The following MYH11 variants were observed in gnomAD, a reference collection of about 807,000 sequenced individuals.
MYH11 encodes the protein myosin-11.
In MYH11, 80 loss-of-function variants were observed where a neutral mutation model predicts 246.6. The observed-to-expected ratio is 0.32, with a 90% CI of 0.27 to 0.39. The LOEUF is 0.39. Among genes scored for constraint, MYH11 ranks in the 10% least tolerant of loss-of-function variants. MYH11 has a pLI of 1.00. For missense variants in MYH11, 2,158 were observed against 2,546.8 expected, an observed-to-expected ratio of 0.85 and a Z score of 3.29; for synonymous variants, 1,071 against 1,015.5, an observed-to-expected ratio of 1.05 and a Z score of -1.04.
chr16:15,715,407 G>A (rs902439122), intron 38 of MYH11, 135 bp from the exon 39 acceptor site: 3 of 781,364 alleles, frequency 3.8e-6, no homozygotes, highest in Non-Finnish European at 6.7e-6. Flanking sequence ...CAGTCAGATG[G>A]TGGAATAGTA....
chr16:15,850,764 A>G (rs1362747789), intron 1 of MYH11, among the ~76,000 whole-genome samples: 3 of 151,986 alleles, frequency 2.0e-5, no homozygotes, highest in African/African-American at 7.2e-5. Flanking sequence ...GCATGGCAGC[A>G]CATGCCGGTA....
Position 15,741,244 on chromosome 16 carries a change from G to A in MYH11, c.2859+219C>T, listed in dbSNP as rs1049754809. On this transcript the variant is annotated intron_variant, in intron 22 of 40. Transcript: ENST00000300036. ...CAGGCTTGCTGTTAGGAGAAAAGGG[G>A]TTAGCACATGCAAGGCAGGGCAATA... is the stretch of plus-strand genomic sequence containing the variant. 1.1e-5 allele frequency: 7 copies of A among 632,888 alleles called. No homozygotes were observed. In the African/African-American group the frequency reaches 1.3e-4, roughly 11 times the overall value. The allele number at this position is 632,888 out of a possible 1,614,324, so 39.2% of individuals were successfully genotyped here. A position where few individuals can be genotyped will look rare whatever the true frequency, so the allele number is the denominator to read the frequency against.
chr16:15,812,551 TAAAAAAAAAAA>T (rs71134466), intron 3 of MYH11, among the ~76,000 whole-genome samples: 561 of 37,450 alleles, frequency 0.015, 8 homozygotes, highest in Non-Finnish European at 0.019. Flanking sequence ...ATCTTATCTC[TAAAAAAAAAAA>T]AAAAAAAAAA....
At chr16:15,732,337 C>G (rs923021137) in intron 27 of MYH11, 3 of 623,906 alleles carry the variant, frequency 4.8e-6, no homozygotes, top group Admixed American at 2.7e-5. Context: ...TGAGCTCAAG[C>G]GATCCTCCCG....
In MYH11 at chr16:15,717,176, A is replaced by G. The variant is rs769337030; in HGVS notation, c.5468T>C (p.Ile1823Thr). 13 of 1,614,010 alleles carry G rather than the reference A, an allele frequency of 8.1e-6. No individual in the cohort carries two copies. Among genetic ancestry groups the G allele is most frequent in the Non-Finnish European group, 1.0e-5 (12 of 1,180,022 alleles). The change falls in exon 38 of 41, where the codon ATT (isoleucine) becomes ACT (threonine). Residue 1823 changes from isoleucine to threonine, a missense_variant. This residue lies in a region of MYH11 where 1,013 missense variants were observed against 993.5 expected (regional missense o/e 1.02). Coordinates refer to ENST00000300036, the MANE Select transcript of MYH11 (RefSeq NM_002474.3). ...KSTIAALEAKIAQLEEQVEQE... is the reference protein window; with the variant it reads ...KSTIAALEAKTAQLEEQVEQE... ...CTCGACCTGCTCCTCCAGCTGTGCA[A>G]TCTTGGCCTCCAGCGCCGCGATGGT... is the stretch of plus-strand genomic sequence containing the variant.
At position 15,788,075 on chromosome 16, in the gene MYH11, A is replaced by ATTTTTTTTTTTTTTTT. The variant is rs1555569323; in HGVS notation, c.531-1344_531-1343insAAAAAAAAAAAAAAAA. On this transcript the variant is annotated intron_variant, in intron 4 of 40. Transcript: ENST00000300036. ...ATGTCCTCCTGGAATATGAAGGTAG[A>ATTTTTTTTTTTTTTTT]TCTTTTTTTTTTTTTTTTTTACCAA... Among the ~76,000 whole-genome samples the ATTTTTTTTTTTTTTTT allele has an allele frequency of 1.5e-3, 65 of 42,672 alleles. 7 individuals carry two copies. Among genetic ancestry groups the ATTTTTTTTTTTTTTTT allele is most frequent in the African/African-American group, 8.0e-3 (61 of 7,578 alleles). The allele number at this position is 42,672 out of a possible 152,430, so 28.0% of individuals were successfully genotyped here.
intron 19 of MYH11, among the ~76,000 whole-genome samples, chr16:15,745,469 C>T (rs1466064390): frequency 6.6e-6 from 1 of 152,138 alleles, no homozygotes; most frequent in Non-Finnish European, 1.5e-5. Flanking sequence ...TCACAACATG[C>T]CCTGGACTTA....
At chr16:15,706,660 T>C (rs1215408082) in intron 40 of MYH11, among the ~76,000 whole-genome samples, 1 of 152,008 alleles carries the variant, frequency 6.6e-6, no homozygotes, top group Non-Finnish European at 1.5e-5. Context: ...TGAGCCAACG[T>C]TGTGCCACTG....
intron 4 of MYH11, among the ~76,000 whole-genome samples, chr16:15,794,970 G>C (rs1028935955): frequency 6.6e-6 from 1 of 152,194 alleles, no homozygotes; most frequent in Non-Finnish European, 1.5e-5. Context: ...ACCATTTCAC[G>C]AGGGGAACGG....
At chr16:15,722,461 G>C (rs1567697470) in intron 31 of MYH11, among the ~76,000 whole-genome samples, 1 of 152,160 alleles carries the variant, frequency 6.6e-6, no homozygotes, top group Non-Finnish European at 1.5e-5. Context: ...CAAACTTCCA[G>C]TATTCAGCAA....
chr16:15,715,347 G>GCTTTCCTGA, intron 38 of MYH11, 75 bp from the exon 39 acceptor site: 1 of 1,422,984 alleles, frequency 7.0e-7, no homozygotes, highest in Non-Finnish European at 9.9e-7. Flanking sequence ...ACCTGGAGGT[G>GCTTTCCTGA]GCATCTTGAG....
intron 4 of MYH11, among the ~76,000 whole-genome samples, chr16:15,794,533 G>C (rs1323635020): frequency 6.6e-6 from 1 of 152,258 alleles, no homozygotes; most frequent in Non-Finnish European, 1.5e-5. Context: ...TGGGCAGTGT[G>C]CCAAGTCCTT....
chr16:15,833,341 AAGAC>A (rs1274105959), intron 2 of MYH11, among the ~76,000 whole-genome samples: 1 of 147,778 alleles, frequency 6.8e-6, no homozygotes, highest in South Asian at 2.2e-4. Flanking sequence ...AGAAGACAGA[AAGAC>A]AGAGAAAGAA....
chr16:15,845,724 A>G (rs6498584), intron 1 of MYH11, among the ~76,000 whole-genome samples: 3,008 of 151,392 alleles, frequency 0.02, 98 homozygotes, highest in African/African-American at 0.066. Flanking sequence ...GAGAGAGAGA[A>G]AAAGAAGGAG....
In MYH11 at chr16:15,721,019, C is replaced by G; in HGVS notation, c.4611G>C (p.Leu1537=). 1 of 1,614,084 alleles carries G rather than the reference C, an allele frequency of 6.2e-7. No individual in the cohort carries two copies. The highest frequency in any genetic ancestry group is 1.1e-5 in the South Asian group (1 of 91,080). ...VHELEKSKRA[L]ETQMEEMKTQ... is the part of the protein sequence containing the mutation. The stretch of plus-strand genomic sequence containing the variant: ...TCTTCATCTCCTCCATCTGGGTCTC[C>G]AGGGCCCGCTTGGACTTCTCCAGCT... The change falls in exon 33 of 41, where the codon CTG becomes CTC. Residue 1537 remains leucine (L), a synonymous_variant. Transcript: ENST00000300036.
At chr16:15,763,768 T>C (rs745519773) in intron 10 of MYH11, 28 bp downstream of exon 10, 15 of 498,304 alleles carry the variant, frequency 3.0e-5, no homozygotes, top group South Asian at 4.3e-5. Flanking sequence ...CCCAAAGTCA[T>C]TGGTCATCAG....
intron 40 of MYH11, among the ~76,000 whole-genome samples, chr16:15,711,620 T>C (rs1001863426): frequency 4.6e-5 from 7 of 152,086 alleles, no homozygotes; most frequent in African/African-American, 1.7e-4. Context: ...GCTGTGGTGG[T>C]ATGAGAATGA....
chr16:15,831,167 A>G (rs904628221), intron 2 of MYH11, among the ~76,000 whole-genome samples: 7 of 152,068 alleles, frequency 4.6e-5, no homozygotes, highest in African/African-American at 1.7e-4. Flanking sequence ...GTGAGACTCC[A>G]TCTCGAAAAA....
intron 38 of MYH11, among the ~76,000 whole-genome samples, chr16:15,716,331 T>C (rs1465044805): frequency 6.6e-6 from 1 of 152,112 alleles, no homozygotes; most frequent in Non-Finnish European, 1.5e-5. Context: ...AATTATACAC[T>C]TTAAATGGGT....
Sources: allele counts gnomAD v4.1 joint callset (sites outside exome capture counted in the v4.1 genomes callset), GRCh38; gene constraint gnomAD v4.1.1; regional missense constraint gnomAD v4.1.1; transcripts MANE v1.5; gene names NCBI Gene and HGNC (gene_info 2026-07-23, HGNC 2026-07-21).